The following COL18A1 variants were observed in gnomAD, a reference collection of about 807,000 sequenced individuals.
COL18A1 encodes collagen alpha-1(XVIII) chain.
In COL18A1, 133 loss-of-function variants were observed where a neutral mutation model predicts 168.0. The observed-to-expected ratio is 0.79, with a 90% CI of 0.69 to 0.91. COL18A1 has a LOEUF of 0.91. COL18A1 is among the 40% of genes least tolerant of loss of function. COL18A1 has a pLI of 0.00. For synonymous variants in COL18A1, 949 were observed against 809.0 expected, an observed-to-expected ratio of 1.17 and a Z score of -2.94; for missense variants, 2,126 against 1,925.4, an observed-to-expected ratio of 1.10 and a Z score of -1.95.
In COL18A1 at chr21:45,505,361, T is replaced by A. The variant is rs747011332; in HGVS notation, c.3017T>A (p.Ile1006Asn). Residue 1006 changes from isoleucine (I) to asparagine (N), a missense_variant, in exon 36 of 42, where the codon ATC (isoleucine) becomes AAC (asparagine). Ile to Asn is a moderately radical substitution (Grantham distance 149). Transcript: ENST00000651438. Reference protein sequence around the residue: ...PSFPGPHRQTISVPGPPGPPG... With the variant: ...PSFPGPHRQTNSVPGPPGPPG... ...CACCTTGGTTTCTCTCCTGCAGCTA[T>A]CAGCGTTCCCGGCCCTCCGGGCCCC... The A allele has an allele frequency of 6.9e-6, 11 of 1,593,672 alleles. No individual in the cohort carries two copies. The Admixed American group carries it at 1.8e-4, about 27-fold the overall frequency.
At chr21:45,419,171 G>A (rs1284608052) in intron 2 of COL18A1, among the ~76,000 whole-genome samples, 1 of 152,234 alleles carries the variant, frequency 6.6e-6, no homozygotes, top group African/African-American at 2.4e-5. Context: ...GCAATTCCAT[G>A]TAGTGACGTG....
chr21:45,501,899 GACCCCCA>G (rs2036869658), intron 32 of COL18A1, among the ~76,000 whole-genome samples: 3 of 113,776 alleles, frequency 2.6e-5, no homozygotes, highest in South Asian at 6.3e-4. Flanking sequence ...TCTGCAGAAG[GACCCCCA>G]GGGGCTCCAC....
At chr21:45,441,598 C>T (rs2034371577) in intron 2 of COL18A1, among the ~76,000 whole-genome samples, 1 of 152,216 alleles carries the variant, frequency 6.6e-6, no homozygotes. Flanking sequence ...GTTCCCCCTG[C>T]TCCTCTCCGT....
intron 40 of COL18A1, among the ~76,000 whole-genome samples, chr21:45,510,881 C>A (rs35220265): frequency 6.6e-6 from 1 of 151,236 alleles, no homozygotes; most frequent in Non-Finnish European, 1.5e-5. Context: ...CTGGCTCCCC[C>A]ACGCTTGTTC....
At chr21:45,474,613 G>C (rs560183696) in intron 4 of COL18A1, among the ~76,000 whole-genome samples, 2 of 151,458 alleles carry the variant, frequency 1.3e-5, no homozygotes, top group Admixed American at 1.3e-4. Flanking sequence ...GGAATCACGT[G>C]GTACCCAAGG....
At chr21:45,428,277 G>A (rs763884896) in intron 2 of COL18A1, among the ~76,000 whole-genome samples, 10 of 152,264 alleles carry the variant, frequency 6.6e-5, no homozygotes, top group South Asian at 6.2e-4. Context: ...GGCTGAGCCC[G>A]CTCTGAGGAA....
At chr21:45,469,828 C>CT (rs1042165877) in intron 3 of COL18A1, among the ~76,000 whole-genome samples, 1 of 152,250 alleles carries the variant, frequency 6.6e-6, no homozygotes, top group Non-Finnish European at 1.5e-5. Flanking sequence ...GTTCTGAAAG[C>CT]TGACTTTTCA....
intron 2 of COL18A1, among the ~76,000 whole-genome samples, chr21:45,427,139 A>G (rs2033828224): frequency 6.6e-6 from 1 of 151,990 alleles, no homozygotes; most frequent in Admixed American, 6.5e-5. Flanking sequence ...TGGTCACTGG[A>G]ATATCTGGAC....
In COL18A1 at chr21:45,456,524, G is replaced by A. The variant is rs546307332; in HGVS notation, c.107-11718G>A. 1.4e-4 allele frequency: 220 copies of A among 1,548,246 alleles called. 1 individual carries two copies. The African/African-American group carries it at 1.8e-3, about 12-fold the overall frequency. On this transcript the variant is annotated intron_variant, in intron 2 of 41. Transcript: ENST00000651438. ...CGGGGCTGACCCCGAGGCCCCCGCC[G>A]GTCGCTGCCTGCCCCTGCCACCCTC... is the stretch of plus-strand genomic sequence containing the variant.
rs754575228 is a variant in COL18A1 at position 45,494,847 on chromosome 21, C to T, written c.2380-15C>T. On this transcript the variant is annotated splice_polypyrimidine_tract_variant and intron_variant, in intron 27 of 41. Coordinates refer to ENST00000651438, the MANE Select transcript of COL18A1 (RefSeq NM_001379500.1). ...AGGGTCTGCCCCACTAAGCCTGGCC[C>T]CCTTCCTCTTGCAGGGTCCATACGG... 26 of 1,604,958 alleles carry T rather than the reference C, an allele frequency of 1.6e-5. No homozygotes were observed. The highest frequency in any genetic ancestry group is 2.0e-5 in the Non-Finnish European group (24 of 1,176,234).
chr21:45,455,922 C>T (rs768133727), intron 2 of COL18A1: 11 of 1,613,112 alleles, frequency 6.8e-6, no homozygotes, highest in Non-Finnish European at 9.3e-6. Flanking sequence ...TGGAATGACA[C>T]TGTCCCCACT....
intron 15 of COL18A1, among the ~76,000 whole-genome samples, chr21:45,485,220 C>T (rs377566781): frequency 1.1e-3 from 153 of 136,182 alleles, no homozygotes; most frequent in African/African-American, 3.7e-3. Flanking sequence ...AGGCTGGTCT[C>T]GAACTCCTGC....
intron 2 of COL18A1, among the ~76,000 whole-genome samples, chr21:45,442,835 CGGTCCTGGTGTGGGCGGA>C (rs1261501195): frequency 2.9e-5 from 4 of 136,088 alleles, no homozygotes; most frequent in East Asian, 4.3e-4. Flanking sequence ...GTGTGGGCGG[CGGTCCTGGTGTGGGCGGA>C]GGTCCTGGTG....
chr21:45,413,455 G>A (rs186091460), intron 2 of COL18A1, among the ~76,000 whole-genome samples: 157 of 152,352 alleles, frequency 1.0e-3, no homozygotes, highest in Non-Finnish European at 1.9e-3. Flanking sequence ...AAAGTCTCCC[G>A]CTACGACCCC....
At chr21:45,492,946 G>T (rs1030415383) in intron 24 of COL18A1, among the ~76,000 whole-genome samples, 1 of 152,074 alleles carries the variant, frequency 6.6e-6, no homozygotes, top group Non-Finnish European at 1.5e-5. Flanking sequence ...GCAGAGGCCT[G>T]CAGTGTCCAG....
At position 45,452,636 on chromosome 21, in the gene COL18A1, ATG is replaced by A. The variant is rs35125488; in HGVS notation, c.107-15597_107-15596del. 2.8e-3 allele frequency among the ~76,000 whole-genome samples: 402 copies of A among 143,112 alleles called. 2 individuals carry two copies. Among genetic ancestry groups the A allele is most frequent in the South Asian group, 0.021 (94 of 4,488 alleles). The allele number at this position is 143,112 out of a possible 152,430, so 93.9% of individuals were successfully genotyped here. A position where few individuals can be genotyped will look rare whatever the true frequency, so the allele number is the denominator to read the frequency against. The stretch of plus-strand genomic sequence containing the variant: ...GAGCATTTGTATCTGACATGTAAGC[ATG>A]TGTGTGTGAGCTTGTGTATGCATGT... On this transcript the variant is annotated intron_variant, in intron 2 of 41. Transcript: ENST00000651438.
Position 45,457,043 on chromosome 21 carries a change from T to C in COL18A1, c.107-11199T>C, listed in dbSNP as rs965808370. 1.3e-5 allele frequency among the ~76,000 whole-genome samples: 2 copies of C among 152,108 alleles called. No individual in the cohort carries two copies. The highest frequency in any genetic ancestry group is 2.4e-5 in the African/African-American group (1 of 41,424). ...TGGGAGAGCTGGGAGTGAGGCCTCCTGTGTGGGGAGGAGGCCGGCGTCTGG... is the reference window on the plus strand; with the variant it reads ...TGGGAGAGCTGGGAGTGAGGCCTCCCGTGTGGGGAGGAGGCCGGCGTCTGG... On this transcript the variant is annotated intron_variant, in intron 2 of 41. Transcript: ENST00000651438. This position sits in a 1 kb window ranked among gnomAD's most constrained non-coding sequence, Gnocchi z 4.6.
rs1279535619 is a variant in COL18A1, at chr21:45,478,333, C to T, written c.1228C>T (p.Pro410Ser). 1 of 1,613,918 alleles carries T rather than the reference C, an allele frequency of 6.2e-7. No homozygotes were observed. Among genetic ancestry groups the T allele is most frequent in the African/African-American group, 1.3e-5 (1 of 74,870 alleles). The part of the protein sequence containing the change: ...TPGRDGEPGD[P>S]GEDGKPGDTG... ...GCTTCTCTTGCACACCCAGGGCGAC[C>T]CCGGTGAAGACGGAAAGCCGGTGAG... Residue 410 changes from proline to serine, a missense_variant, in exon 9 of 42, where the codon CCC (proline) becomes TCC (serine). Coordinates refer to ENST00000651438, the MANE Select transcript of COL18A1 (RefSeq NM_001379500.1).
Position 45,417,518 on chromosome 21 carries a change from G to A in COL18A1, c.106+12045G>A, listed in dbSNP as rs536144360. On this transcript the variant is annotated intron_variant, in intron 2 of 41. Coordinates refer to ENST00000651438, the MANE Select transcript of COL18A1 (RefSeq NM_001379500.1). ...TCCTCTTCCGACTCGAGGGTCTCAC[G>A]GGTGCCCCCGCCCTGCCTGGCCCAG... 3.6e-3 allele frequency among the ~76,000 whole-genome samples: 541 copies of A among 152,278 alleles called. 5 individuals carry two copies. Among genetic ancestry groups the A allele is most frequent in the African/African-American group, 0.012 (510 of 41,544 alleles).
Sources: allele counts gnomAD v4.1 joint callset (sites outside exome capture counted in the v4.1 genomes callset), GRCh38; gene constraint gnomAD v4.1.1; non-coding constraint Gnocchi (gnomAD v3.1); transcripts MANE v1.5; gene names NCBI Gene and HGNC (gene_info 2026-07-23, HGNC 2026-07-21).